GANAB: variants seen among roughly 807,000 people sequenced by gnomAD.
The protein encoded by GANAB is glucosidase II alpha subunit.
A neutral mutation model predicts 129.9 loss-of-function variants in GANAB; 35 were observed. The observed-to-expected ratio is 0.27, with a 90% CI of 0.21 to 0.36. The LOEUF (loss-of-function observed/expected upper bound fraction) is 0.36, where lower values mean the gene tolerates loss of function less well. GANAB is among the 10% of genes least tolerant of loss of function. The pLI is 1.00. For missense variants in GANAB, 939 were observed against 1,221.0 expected (o/e 0.77, Z 3.44); for synonymous variants, 482 against 451.8 (o/e 1.07, Z -0.85).
intron 4 of GANAB, 140 bp from the exon 5 acceptor site, chr11:62,635,140 C>A: frequency 1.8e-6 from 1 of 551,652 alleles, no homozygotes. Context: ...AGTTAATAAA[C>A]AGAACCAAAG....
chr11:62,633,573 G>T, intron 5 of GANAB, 59 bp from the exon 6 acceptor site: 1 of 1,436,906 alleles, frequency 7.0e-7, no homozygotes, highest in Non-Finnish European at 9.8e-7. Flanking sequence ...AGGGGCTAGT[G>T]GAAGGAGGGG....
chr11:62,634,865 G>A lies in GANAB; in HGVS notation c.516C>T (p.Ala172=). 6.2e-7 allele frequency: 1 copy of A among 1,614,060 alleles called. No individual in the cohort carries two copies. Among genetic ancestry groups the A allele is most frequent in the Non-Finnish European group, 8.5e-7 (1 of 1,179,958 alleles). Residue 172 remains alanine, a synonymous_variant, in exon 5 of 24, where the codon GCC becomes GCT. Coordinates refer to ENST00000356638, the MANE Select transcript of GANAB (RefSeq NM_198334.3). ...EDRSLLLSVN[A]RGLLEFEHQR... is the part of the protein sequence containing the mutation. ...GATGCTCAAACTCCAAGAGTCCTCG[G>A]GCATTGACACTAAGCAAAAGACTTC...
At chr11:62,633,383 G>GCCTCTC in intron 6 of GANAB, 62 bp downstream of exon 6, 1 of 1,564,278 alleles carries the variant, frequency 6.4e-7, no homozygotes, top group South Asian at 1.1e-5. Context: ...TTTCTCATGG[G>GCCTCTC]CCTCTCCCCT....
In GANAB at chr11:62,633,230, T is replaced by C; in HGVS notation, c.672A>G (p.Gly224=). 6.2e-7 allele frequency: 1 copy of C among 1,614,110 alleles called. No homozygotes were observed. Among genetic ancestry groups the C allele is most frequent in the Non-Finnish European group, 8.5e-7 (1 of 1,179,998 alleles). The change falls in exon 7 of 24, where the codon GGA becomes GGG. Residue 224 remains glycine (G), a synonymous_variant. Coordinates refer to ENST00000356638, the MANE Select transcript of GANAB (RefSeq NM_198334.3). ...TQGKAEKDEP[G]AWEETFKTHS... is the part of the protein sequence containing the mutation. ...GAGTTTTGAATGTCTCCTCCCAGGCTCCTGGCTCATCTTTCTCTGCCTTCC... is the reference window on the plus strand; with the variant it reads ...GAGTTTTGAATGTCTCCTCCCAGGCCCCTGGCTCATCTTTCTCTGCCTTCC...
At chr11:62,643,083 G>A (rs1006519484) in intron 1 of GANAB, among the ~76,000 whole-genome samples, 4 of 152,152 alleles carry the variant, frequency 2.6e-5, no homozygotes, top group East Asian at 1.9e-4. Context: ...ATTTCCCAAT[G>A]TGCTATGAAA....
intron 4 of GANAB, among the ~76,000 whole-genome samples, chr11:62,635,874 C>T (rs1304059779): frequency 2.0e-5 from 3 of 151,916 alleles, no homozygotes; most frequent in Non-Finnish European, 4.4e-5. Context: ...AAGTGATCCA[C>T]TTGCCTCGGC....
In GANAB at chr11:62,629,679, C is replaced by T. The variant is rs1943569479; in HGVS notation, c.1743G>A (p.Met581Ile). Residue 581 changes from methionine to isoleucine, a missense_variant, in exon 15 of 24, where the codon ATG becomes ATA. Met to Ile is a conservative substitution (Grantham distance 10). This residue lies in a region of GANAB where 147 missense variants were observed against 282.4 expected (regional missense o/e 0.52). Coordinates refer to ENST00000356638, the MANE Select transcript of GANAB (RefSeq NM_198334.3). Reference protein sequence around the residue: ...VHNIYGLYVHMATADGLRQRS... With the variant: ...VHNIYGLYVHIATADGLRQRS... ...GCTGTCTCAGCCCATCAGCAGTCGC[C>T]ATGTGCTGGGTGAGGAGAGAAGAGA... 1.2e-6 allele frequency: 2 copies of T among 1,612,970 alleles called. No homozygotes were observed. The highest frequency in any genetic ancestry group is 2.7e-5 in the African/African-American group (2 of 74,934).
intron 1 of GANAB, among the ~76,000 whole-genome samples, chr11:62,643,082 T>C (rs887086488): frequency 1.3e-5 from 2 of 152,188 alleles, no homozygotes; most frequent in African/African-American, 4.8e-5. Flanking sequence ...AATTTCCCAA[T>C]GTGCTATGAA....
chr11:62,630,360 C>T lies in GANAB; in HGVS notation c.1513+19G>A. ...CCCCGCTGGCCAATCAACTCTCCCT[C>T]AATTCTGGGTCTGCTTACCTGGCCA... On this transcript the variant is annotated intron_variant, in intron 12 of 23. Transcript: ENST00000356638. 6.2e-7 allele frequency: 1 copy of T among 1,614,110 alleles called. No individual in the cohort carries two copies.
Position 62,626,563 on chromosome 11 carries a change from G to C in GANAB, c.2511+8C>G, listed in dbSNP as rs749693061. On this transcript the variant is annotated splice_region_variant and intron_variant, in intron 21 of 23. Coordinates refer to ENST00000356638, the MANE Select transcript of GANAB (RefSeq NM_198334.3). ...ATGGCTGAGGAGACTCGCTGCCTATGCACTTACCTGAGGGCTAAGTGCAAC... is the reference window on the plus strand; with the variant it reads ...ATGGCTGAGGAGACTCGCTGCCTATCCACTTACCTGAGGGCTAAGTGCAAC... 3.8e-6 allele frequency: 6 copies of C among 1,567,258 alleles called. No individual in the cohort carries two copies. In the East Asian group the frequency reaches 1.3e-4, roughly 35 times the overall value.
intron 4 of GANAB, among the ~76,000 whole-genome samples, chr11:62,638,001 G>A (rs1417853473): frequency 6.6e-6 from 1 of 151,990 alleles, no homozygotes; most frequent in Admixed American, 6.6e-5. Context: ...TTATTGCTTA[G>A]GCACACAGAC....
Position 62,625,806 on chromosome 11 carries a change from T to A in GANAB, c.*9A>T. On this transcript the variant is annotated 3_prime_UTR_variant, in exon 24 of 24. Transcript: ENST00000356638. The stretch of plus-strand genomic sequence containing the variant: ...CCTTCCCTCCCCCTAACCCAGAACA[T>A]CCCTTGGGTTATCGCAGGTGAATAC... 6.5e-7 allele frequency: 1 copy of A among 1,541,748 alleles called. No individual in the cohort carries two copies. Among genetic ancestry groups the A allele is most frequent in the Non-Finnish European group, 9.0e-7 (1 of 1,114,630 alleles).
At chr11:62,636,674 G>A (rs996069904) in intron 4 of GANAB, among the ~76,000 whole-genome samples, 7 of 152,100 alleles carry the variant, frequency 4.6e-5, no homozygotes, top group Non-Finnish European at 7.4e-5. Flanking sequence ...AAGTAGCCGG[G>A]TATAGTGACG....
rs1565092530 is a variant in GANAB, at chr11:62,628,993, G to A, written c.1956C>T (p.Phe652=). 1.2e-6 allele frequency: 2 copies of A among 1,613,120 alleles called. No homozygotes were observed. The highest frequency in any genetic ancestry group is 1.7e-6 in the Non-Finnish European group (2 of 1,179,150). The change falls in exon 17 of 24, where the codon TTC becomes TTT. Residue 652 remains phenylalanine (F), a synonymous_variant. Coordinates refer to ENST00000356638, the MANE Select transcript of GANAB (RefSeq NM_198334.3). The part of the protein sequence containing the change: ...SFCGADVGGF[F]KNPEPELLVR... ...CAAGCAGCTCTGGCTCTGGGTTTTTGAAGAAGCCACCCACATCCGCTGGTA... is the reference window on the plus strand; with the variant it reads ...CAAGCAGCTCTGGCTCTGGGTTTTTAAAGAAGCCACCCACATCCGCTGGTA...
At chr11:62,628,284 T>TA (rs1347979582) in intron 17 of GANAB, among the ~76,000 whole-genome samples, 4 of 136,434 alleles carry the variant, frequency 2.9e-5, no homozygotes, top group Non-Finnish European at 6.1e-5. Context: ...CAGAGCAATC[T>TA]CGGCTCACTG....
At chr11:62,640,955 G>A (rs1163617385) in intron 1 of GANAB, among the ~76,000 whole-genome samples, 1 of 151,838 alleles carries the variant, frequency 6.6e-6, no homozygotes, top group African/African-American at 2.4e-5. Flanking sequence ...AGTCTCAGAG[G>A]AAATGGTAGT....
At chr11:62,634,517 C>T (rs543970572) in intron 5 of GANAB, 14 of 656,022 alleles carry the variant, frequency 2.1e-5, no homozygotes, top group South Asian at 1.1e-4. Context: ...TAAATAAAAA[C>T]GAAGAAAATA....
rs1428610035 is a variant in GANAB, at chr11:62,625,181, CCTCT to C, written c.*630_*633del. 1 of 454,100 alleles carries C rather than the reference CCTCT, an allele frequency of 2.2e-6. No individual in the cohort carries two copies. The highest frequency in any genetic ancestry group is 2.0e-5 in the African/African-American group (1 of 49,972). 28.1% of individuals were successfully genotyped at this position (454,100 alleles called of 1,614,324 possible). A position where few individuals can be genotyped will look rare whatever the true frequency, so the allele number is the denominator to read the frequency against. On this transcript the variant is annotated 3_prime_UTR_variant, in exon 24 of 24. Transcript: ENST00000356638. Reference sequence around the variant, plus strand: ...GAGGGACAGAGGAGGTAGAACTGCCCCTCTAAGAATTGCAGCAGCTCTACAAGGA... The same window carrying C: ...GAGGGACAGAGGAGGTAGAACTGCCCAAGAATTGCAGCAGCTCTACAAGGA...
At chr11:62,639,755 G>C (rs750765210) in intron 1 of GANAB, 24 bp from the exon 2 acceptor site, 2 of 1,535,002 alleles carry the variant, frequency 1.3e-6, no homozygotes, top group East Asian at 2.2e-5. Flanking sequence ...GACAAAGACA[G>C]AGCAATCAGC....
Sources: allele counts gnomAD v4.1 joint callset (sites outside exome capture counted in the v4.1 genomes callset), GRCh38; gene constraint gnomAD v4.1.1; regional missense constraint gnomAD v4.1.1; transcripts MANE v1.5; gene names NCBI Gene and HGNC (gene_info 2026-07-23, HGNC 2026-07-21).